TTC29: variants seen among roughly 807,000 people sequenced by gnomAD.
TTC29 encodes the protein tetratricopeptide repeat domain 29.
In TTC29, 49 loss-of-function variants were observed where a neutral mutation model predicts 58.1. The observed-to-expected ratio is 0.84, with a 90% confidence interval of 0.67 to 1.07. The LOEUF is 1.07. TTC29 is among the 50% of genes least tolerant of loss of function. The pLI is 0.00. For synonymous variants in TTC29, 209 were observed against 196.8 expected (o/e 1.06, Z -0.52); for missense variants, 582 against 555.6 (o/e 1.05, Z -0.48).
chr4:146,787,887 A>G (rs1484115320), intron 11 of TTC29, among the ~76,000 whole-genome samples: 8 of 115,240 alleles, frequency 6.9e-5, no homozygotes, highest in African/African-American at 3.3e-4. Flanking sequence ...ACCAGCTGCC[A>G]ATCTGCCCCC....
chr4:146,820,063 A>G (rs1027818344), intron 10 of TTC29, 62 bp downstream of exon 10: 1 of 1,595,704 alleles, frequency 6.3e-7, no homozygotes, highest in African/African-American at 1.3e-5. Context: ...ATACTTTTAA[A>G]ATGGGAAATT....
Position 146,762,759 on chromosome 4 carries a change from C to T in TTC29, c.1330+40698G>A, listed in dbSNP as rs561893878. Among the ~76,000 whole-genome samples the T allele has an allele frequency of 1.7e-3, 258 of 151,864 alleles. 1 individual carries two copies. The highest frequency in any genetic ancestry group is 5.9e-3 in the African/African-American group (244 of 41,474). On this transcript the variant is annotated intron_variant, in intron 11 of 12. Coordinates refer to ENST00000325106, the MANE Select transcript of TTC29 (RefSeq NM_031956.4). ...CTTGTCTACTACTAAGGGATATAACCGAAGTATAATTTTCCACTTTTTTGG... is the reference window on the plus strand; with the variant it reads ...CTTGTCTACTACTAAGGGATATAACTGAAGTATAATTTTCCACTTTTTTGG...
chr4:146,917,628 T>G (rs1487307150), intron 4 of TTC29, among the ~76,000 whole-genome samples: 1 of 145,150 alleles, frequency 6.9e-6, no homozygotes, highest in Non-Finnish European at 1.5e-5. Flanking sequence ...TAATTAGATA[T>G]TATATAAATT....
chr4:146,760,565 C>A (rs996670335), intron 11 of TTC29, among the ~76,000 whole-genome samples: 4 of 151,682 alleles, frequency 2.6e-5, no homozygotes, highest in African/African-American at 9.7e-5. Context: ...ACTAAAACAG[C>A]ATGGTACTGG....
intron 11 of TTC29, among the ~76,000 whole-genome samples, chr4:146,745,437 T>C (rs554653285): frequency 6.6e-6 from 1 of 152,312 alleles, no homozygotes; most frequent in East Asian, 1.9e-4. Context: ...GCCATGGCAG[T>C]GTTCTCTGTT....
At chr4:146,740,324 T>C (rs1745026833) in intron 11 of TTC29, among the ~76,000 whole-genome samples, 1 of 152,126 alleles carries the variant, frequency 6.6e-6, no homozygotes, top group Non-Finnish European at 1.5e-5. Context: ...CATGCTTTTA[T>C]TGTAGCTCAA....
chr4:146,930,280 C>T (rs1299968108), intron 4 of TTC29, among the ~76,000 whole-genome samples: 1 of 151,452 alleles, frequency 6.6e-6, no homozygotes, highest in Non-Finnish European at 1.5e-5. Flanking sequence ...CTTATATTCT[C>T]TTTTTTATTT....
intron 6 of TTC29, among the ~76,000 whole-genome samples, chr4:146,888,171 A>C: frequency 6.6e-6 from 1 of 152,174 alleles, no homozygotes; most frequent in East Asian, 1.9e-4. Context: ...CACAAGTCCC[A>C]AAAAAGAATA....
chr4:146,806,510 T>C (rs1055925753), intron 10 of TTC29, among the ~76,000 whole-genome samples: 1 of 152,006 alleles, frequency 6.6e-6, no homozygotes, highest in Non-Finnish European at 1.5e-5. Context: ...AAGGCACATA[T>C]AGACTTAAAA....
chr4:146,731,509 G>A (rs1488881164), intron 11 of TTC29, among the ~76,000 whole-genome samples: 2 of 152,044 alleles, frequency 1.3e-5, no homozygotes, highest in Non-Finnish European at 2.9e-5. Context: ...GTTGTATTTA[G>A]CTAGTGTTAT....
intron 8 of TTC29, among the ~76,000 whole-genome samples, chr4:146,844,552 A>T (rs1729046033): frequency 6.6e-6 from 1 of 151,750 alleles, no homozygotes; most frequent in Non-Finnish European, 1.5e-5. Context: ...GTTTATTTTT[A>T]TTTTTTATTT....
chr4:146,942,611 C>T (rs542130282), intron 2 of TTC29: 6 of 1,533,542 alleles, frequency 3.9e-6, no homozygotes, highest in Non-Finnish European at 4.4e-6. Context: ...GACTTTTCCA[C>T]AGAGTTCCAG....
At chr4:146,907,641 G>C (rs907432371) in intron 5 of TTC29, among the ~76,000 whole-genome samples, 1 of 152,096 alleles carries the variant, frequency 6.6e-6, no homozygotes, top group Non-Finnish European at 1.5e-5. Flanking sequence ...GGGATTACAG[G>C]CGTCCGCCAT....
chr4:146,903,014 A>G (rs1733257004), intron 6 of TTC29, among the ~76,000 whole-genome samples: 2 of 152,210 alleles, frequency 1.3e-5, no homozygotes, highest in Admixed American at 1.3e-4. Flanking sequence ...CCTATTTGCA[A>G]TCCTTGATCA....
At chr4:146,757,246 TC>T (rs1346666079) in intron 11 of TTC29, among the ~76,000 whole-genome samples, 1 of 151,950 alleles carries the variant, frequency 6.6e-6, no homozygotes, top group Admixed American at 6.6e-5. Flanking sequence ...TGTAGTACTC[TC>T]CCCCTTTTCC....
intron 11 of TTC29, among the ~76,000 whole-genome samples, chr4:146,749,274 G>A (rs1745786601): frequency 6.6e-6 from 1 of 152,056 alleles, no homozygotes; most frequent in Admixed American, 6.5e-5. Flanking sequence ...TCTCACTGCT[G>A]TGCTCCAGCC....
At chr4:146,902,180 G>T (rs1026889112) in intron 6 of TTC29, among the ~76,000 whole-genome samples, 4 of 152,020 alleles carry the variant, frequency 2.6e-5, no homozygotes, top group African/African-American at 4.8e-5. Context: ...TCCCTCCTCT[G>T]ACAGTTTGTA....
intron 10 of TTC29, among the ~76,000 whole-genome samples, chr4:146,806,785 A>T (rs932137862): frequency 6.6e-6 from 1 of 152,180 alleles, no homozygotes; most frequent in African/African-American, 2.4e-5. Flanking sequence ...ACATAATAAT[A>T]GTGGGAGAAT....
At chr4:146,895,256 A>G (rs1405694674) in intron 6 of TTC29, among the ~76,000 whole-genome samples, 1 of 152,148 alleles carries the variant, frequency 6.6e-6, no homozygotes, top group Non-Finnish European at 1.5e-5. Context: ...AGGAGCTTCC[A>G]AGAAACTTGA....
Sources: allele counts gnomAD v4.1 joint callset (sites outside exome capture counted in the v4.1 genomes callset), GRCh38; gene constraint gnomAD v4.1.1; transcripts MANE v1.5; gene names NCBI Gene and HGNC (gene_info 2026-07-23, HGNC 2026-07-21).